The following IQCK variants were observed in gnomAD, a reference collection of about 807,000 sequenced individuals.
IQCK encodes IQ motif containing K, also known as IQ domain-containing protein K.
Under a neutral mutation model 28.1 loss-of-function variants are expected in IQCK, and 29 were observed. The ratio of observed to expected loss-of-function variants is 1.03; its 90% CI spans 0.77 to 1.41. The LOEUF is 1.41. Ranked by LOEUF, IQCK falls within the 40% of genes most tolerant of loss-of-function variation. The pLI is 0.00. For synonymous variants in IQCK, 113 were observed against 115.1 expected, an observed-to-expected ratio of 0.98 and a Z score of 0.12; for missense variants, 359 against 314.7, an observed-to-expected ratio of 1.14 and a Z score of -1.07.
chr16:19,767,342 C>A (rs2055253718), intron 6 of IQCK, among the ~76,000 whole-genome samples: 1 of 152,158 alleles, frequency 6.6e-6, no homozygotes, highest in Non-Finnish European at 1.5e-5. Context: ...GAAATCAGAT[C>A]ACACGTGGGC....
chr16:19,730,388 A>G (rs1280962184), intron 1 of IQCK, 42 bp from the exon 2 acceptor site: 6 of 1,407,524 alleles, frequency 4.3e-6, no homozygotes, highest in Admixed American at 2.1e-5. Context: ...CAGAAACTCT[A>G]GTGAAGTATG....
At chr16:19,743,441 A>C (rs557733237) in intron 4 of IQCK, among the ~76,000 whole-genome samples, 1 of 152,236 alleles carries the variant, frequency 6.6e-6, no homozygotes, top group Non-Finnish European at 1.5e-5. Context: ...ATTCACAGAC[A>C]ATGGAGAGCC....
intron 7 of IQCK, among the ~76,000 whole-genome samples, chr16:19,823,921 A>G (rs1197349498): frequency 6.7e-6 from 1 of 148,592 alleles, no homozygotes; most frequent in African/African-American, 2.5e-5. Flanking sequence ...CGGCAGAGTG[A>G]GACTCCCTCT....
intron 4 of IQCK, among the ~76,000 whole-genome samples, chr16:19,742,780 G>GC (rs1233313508): frequency 6.6e-6 from 1 of 152,134 alleles, no homozygotes; most frequent in Non-Finnish European, 1.5e-5. Flanking sequence ...TTATTTTTCT[G>GC]TTTTTTCTTT....
chr16:19,741,105 C>CAAG (rs1274495002), intron 4 of IQCK, among the ~76,000 whole-genome samples: 1 of 151,980 alleles, frequency 6.6e-6, no homozygotes, highest in Non-Finnish European at 1.5e-5. Flanking sequence ...ACTGAGGGGA[C>CAAG]AAGAAGACAT....
chr16:19,744,098 A>C (rs959514937), intron 4 of IQCK, among the ~76,000 whole-genome samples: 2 of 152,020 alleles, frequency 1.3e-5, no homozygotes. Flanking sequence ...GACCCTTTCA[A>C]CCCAGGCCTG....
intron 4 of IQCK, among the ~76,000 whole-genome samples, chr16:19,744,672 CAT>C (rs1298543889): frequency 6.6e-6 from 1 of 152,144 alleles, no homozygotes; most frequent in Non-Finnish European, 1.5e-5. Flanking sequence ...CATTTTCAAT[CAT>C]GTAAAAAAAG....
intron 7 of IQCK, among the ~76,000 whole-genome samples, chr16:19,808,036 C>T (rs1480914412): frequency 2.0e-5 from 3 of 152,034 alleles, no homozygotes; most frequent in Non-Finnish European, 2.9e-5. Flanking sequence ...AAACTTTTGT[C>T]TGTGCCCAGC....
chr16:19,735,742 A>T, intron 4 of IQCK: 3 of 404,370 alleles, frequency 7.4e-6, no homozygotes, highest in Admixed American at 3.9e-5. Context: ...TTGGGTCTTC[A>T]GCTTCTGTTT....
intron 7 of IQCK, among the ~76,000 whole-genome samples, chr16:19,810,862 T>C (rs748203931): frequency 6.6e-5 from 10 of 152,012 alleles, no homozygotes; most frequent in Non-Finnish European, 1.3e-4. Context: ...GTATGGTTGT[T>C]CTGAGAATTA....
At chr16:19,757,839 A>G (rs1026369091) in intron 4 of IQCK, among the ~76,000 whole-genome samples, 2 of 152,070 alleles carry the variant, frequency 1.3e-5, no homozygotes, top group East Asian at 1.9e-4. Flanking sequence ...TGATTCTACA[A>G]TTTCCATTTT....
chr16:19,751,826 A>T (rs1409966576), intron 4 of IQCK, among the ~76,000 whole-genome samples: 2 of 152,140 alleles, frequency 1.3e-5, no homozygotes, highest in African/African-American at 4.8e-5. Flanking sequence ...TAGAGTTTGT[A>T]CAAAGACTTG....
chr16:19,767,994 C>T lies in IQCK; in HGVS notation c.605+3882C>T, dbSNP rs527603014. 2.3e-4 allele frequency among the ~76,000 whole-genome samples: 34 copies of T among 150,982 alleles called. No individual in the cohort carries two copies. The South Asian group carries it at 5.7e-3, about 25-fold the overall frequency. On this transcript the variant is annotated intron_variant, in intron 6 of 7. Transcript: ENST00000564186. ...ACTAAATCATAATCTTCAGGTATAG[C>T]CTGAACATTGTTTTTTTTTGCTTTT...
intron 6 of IQCK, among the ~76,000 whole-genome samples, chr16:19,781,906 T>C (rs984592117): frequency 2.6e-5 from 4 of 151,874 alleles, no homozygotes; most frequent in Admixed American, 1.3e-4. Context: ...GGAGAATTAC[T>C]TGAACCCGGG....
intron 7 of IQCK, among the ~76,000 whole-genome samples, chr16:19,817,663 G>A (rs1049319654): frequency 1.3e-5 from 2 of 151,298 alleles, no homozygotes; most frequent in Non-Finnish European, 2.9e-5. Flanking sequence ...AGAGTCAAAC[G>A]ATTATAGGAA....
At chr16:19,780,543 G>T (rs1380773434) in intron 6 of IQCK, among the ~76,000 whole-genome samples, 1 of 152,142 alleles carries the variant, frequency 6.6e-6, no homozygotes, top group African/African-American at 2.4e-5. Context: ...CCCAGCTCCA[G>T]CCACAACTAA....
At chr16:19,772,038 G>T (rs1396881026) in intron 6 of IQCK, among the ~76,000 whole-genome samples, 2 of 152,176 alleles carry the variant, frequency 1.3e-5, no homozygotes, top group Non-Finnish European at 2.9e-5. Flanking sequence ...TGGAAAGGGG[G>T]TGGAGAACAG....
downstream of IQCK, among the ~76,000 whole-genome samples, chr16:19,830,415 G>A (rs967245713): frequency 2.0e-5 from 3 of 152,160 alleles, no homozygotes; most frequent in Non-Finnish European, 4.4e-5. Context: ...GGGCTGGAGG[G>A]GCTGGTGGAA....
chr16:19,750,944 G>A (rs2054978505), intron 4 of IQCK, among the ~76,000 whole-genome samples: 1 of 152,174 alleles, frequency 6.6e-6, no homozygotes, highest in South Asian at 2.1e-4. Flanking sequence ...AATGGTAGGG[G>A]TGGTGTCAGA....
Sources: allele counts gnomAD v4.1 joint callset (sites outside exome capture counted in the v4.1 genomes callset), GRCh38; gene constraint gnomAD v4.1.1; transcripts MANE v1.5; gene names NCBI Gene and HGNC (gene_info 2026-07-23, HGNC 2026-07-21).